The following CNTNAP4 variants were observed in gnomAD, a reference collection of about 807,000 sequenced individuals.
The protein encoded by CNTNAP4 is contactin associated protein family member 4.
Under a neutral mutation model 148.4 loss-of-function variants are expected in CNTNAP4, and 98 were observed. The observed-to-expected ratio is 0.66, with a 90% CI of 0.56 to 0.78. CNTNAP4 has a LOEUF of 0.78. CNTNAP4 is among the 30% of genes least tolerant of loss of function. CNTNAP4 has a pLI of 0.00. For missense variants in CNTNAP4, 1,935 were observed against 1,565.6 expected (o/e 1.24, Z -3.98); for synonymous variants, 730 against 565.1 (o/e 1.29, Z -4.14).
At position 76,523,820 on chromosome 16, in the gene CNTNAP4, G is replaced by A. The variant is rs1320257527; in HGVS notation, c.2755+1563G>A. ...GGTGGCACTCGCCTGTAATCCCAGC[G>A]TTCAAGAAGCTGAGGTGGGAGGATG... On this transcript the variant is annotated intron_variant, in intron 17 of 23. Transcript: ENST00000611870. 5.9e-5 allele frequency among the ~76,000 whole-genome samples: 9 copies of A among 152,100 alleles called. No individual in the cohort carries two copies. The South Asian group carries it at 6.2e-4, about 11-fold the overall frequency.
chr16:76,382,055 C>T (rs1437676353), intron 3 of CNTNAP4, among the ~76,000 whole-genome samples: 6 of 112,230 alleles, frequency 5.3e-5, no homozygotes, highest in Admixed American at 2.0e-4. Flanking sequence ...AGCGAGACTC[C>T]GTCTCAAAAA....
chr16:76,513,600 A>AT (rs1470049962), intron 15 of CNTNAP4, among the ~76,000 whole-genome samples: 1 of 152,148 alleles, frequency 6.6e-6, no homozygotes, highest in Non-Finnish European at 1.5e-5. Context: ...ATTTAAATGT[A>AT]TTTTCTATAC....
chr16:76,465,690 G>C (rs1001155844), intron 9 of CNTNAP4, among the ~76,000 whole-genome samples: 1 of 152,126 alleles, frequency 6.6e-6, no homozygotes, highest in South Asian at 2.1e-4. Context: ...TACATACTGA[G>C]ATTATGGTAA....
At chr16:76,333,600 G>T (rs1355304878) in intron 2 of CNTNAP4, among the ~76,000 whole-genome samples, 1 of 152,060 alleles carries the variant, frequency 6.6e-6, no homozygotes, top group Middle Eastern at 3.4e-3. Context: ...TGCTTCCTCA[G>T]GGGCAGTTTC....
chr16:76,374,003 A>G (rs1265438131), intron 3 of CNTNAP4, among the ~76,000 whole-genome samples: 2 of 152,200 alleles, frequency 1.3e-5, no homozygotes, highest in Admixed American at 1.3e-4. Flanking sequence ...ATACAGTCCA[A>G]AATGAATCAC....
At chr16:76,450,216 C>G (rs1020784711) in intron 7 of CNTNAP4, among the ~76,000 whole-genome samples, 6 of 152,014 alleles carry the variant, frequency 3.9e-5, no homozygotes, top group African/African-American at 1.4e-4. Context: ...GTGGCATAAT[C>G]TCGGCTCACT....
chr16:76,523,823 C>G (rs1338191436), intron 17 of CNTNAP4, among the ~76,000 whole-genome samples: 1 of 151,932 alleles, frequency 6.6e-6, no homozygotes. Context: ...TCCCAGCGTT[C>G]AAGAAGCTGA....
At chr16:76,523,921 C>T (rs550137050) in intron 17 of CNTNAP4, among the ~76,000 whole-genome samples, 141 of 152,114 alleles carry the variant, frequency 9.3e-4, no homozygotes, top group African/African-American at 3.3e-3. Context: ...CAGAGGGAGC[C>T]CCTGTCTCAA....
intron 1 of CNTNAP4, among the ~76,000 whole-genome samples, chr16:76,311,923 T>C (rs918671): frequency 0.018 from 2,685 of 152,316 alleles, 114 homozygotes; most frequent in Admixed American, 0.097. Context: ...CAATTATGTT[T>C]TAGGCTGAAA....
intron 4 of CNTNAP4, among the ~76,000 whole-genome samples, chr16:76,442,555 G>T (rs964848684): frequency 6.6e-6 from 1 of 151,546 alleles, no homozygotes; most frequent in Non-Finnish European, 1.5e-5. Context: ...CTTCTGGTGA[G>T]GGCTTTTGCA....
chr16:76,283,209 A>T (rs557500123), intron 1 of CNTNAP4, among the ~76,000 whole-genome samples: 1 of 152,116 alleles, frequency 6.6e-6, no homozygotes, highest in African/African-American at 2.4e-5. Context: ...TTCTTGTTTA[A>T]ATACTATGTT....
intron 8 of CNTNAP4, among the ~76,000 whole-genome samples, chr16:76,461,053 C>A (rs1363067881): frequency 6.6e-6 from 1 of 151,870 alleles, no homozygotes. Context: ...TTATGGCCAA[C>A]AGCACCCTAA....
At chr16:76,485,774 A>G (rs1224080917) in intron 12 of CNTNAP4, among the ~76,000 whole-genome samples, 1 of 152,166 alleles carries the variant, frequency 6.6e-6, no homozygotes, top group African/African-American at 2.4e-5. Context: ...TACTTTAGAG[A>G]TTTCAATAAT....
intron 3 of CNTNAP4, among the ~76,000 whole-genome samples, chr16:76,377,913 G>A (rs917506644): frequency 6.6e-6 from 1 of 152,090 alleles, no homozygotes; most frequent in Non-Finnish European, 1.5e-5. Context: ...CCATGCTAGT[G>A]GCATTATGCA....
At chr16:76,399,443 GCAAATTT>G (rs1247555843) in intron 3 of CNTNAP4, among the ~76,000 whole-genome samples, 7 of 152,050 alleles carry the variant, frequency 4.6e-5, no homozygotes. Flanking sequence ...TTCTCAAAAG[GCAAATTT>G]TTCTAAAGTA....
intron 19 of CNTNAP4, among the ~76,000 whole-genome samples, chr16:76,539,170 G>T (rs578209934): frequency 3.3e-5 from 5 of 152,124 alleles, no homozygotes; most frequent in South Asian, 2.1e-4. Flanking sequence ...TGACATCTCT[G>T]CAGGCAATTA....
chr16:76,528,399 G>C, intron 17 of CNTNAP4, among the ~76,000 whole-genome samples: 1 of 152,160 alleles, frequency 6.6e-6, no homozygotes, highest in Admixed American at 6.5e-5. Context: ...CAGAGTAGCT[G>C]AGACTACAGG....
chr16:76,500,853 ATAGT>A (rs139565085), intron 15 of CNTNAP4, among the ~76,000 whole-genome samples: 3,158 of 152,176 alleles, frequency 0.021, 111 homozygotes, highest in African/African-American at 0.072. Flanking sequence ...CTCTCTGAAA[ATAGT>A]TAGATTAGCG....
At chr16:76,414,417 A>G (rs1339192079) in intron 3 of CNTNAP4, among the ~76,000 whole-genome samples, 1 of 151,350 alleles carries the variant, frequency 6.6e-6, no homozygotes, top group Non-Finnish European at 1.5e-5. Flanking sequence ...TTTATATTGT[A>G]GAATCATTTT....
Sources: gnomAD v4.1 joint callset for allele counts (sites outside exome capture counted in the v4.1 genomes callset) on GRCh38, gnomAD v4.1.1 for gene constraint, MANE v1.5 for transcripts, NCBI Gene and HGNC (gene_info 2026-07-23, HGNC 2026-07-21) for gene names.